Variants in KCNJ16 observed in about 807,000 individuals in gnomAD.
The protein encoded by KCNJ16 is potassium inwardly rectifying channel subfamily J member 16, also known as inward rectifier potassium channel 16.
A neutral mutation model predicts 18.5 loss-of-function variants in KCNJ16; 15 were observed. The observed-to-expected ratio is 0.81, with a 90% confidence interval of 0.54 to 1.25. KCNJ16 has a LOEUF of 1.25. KCNJ16 is among the 50% of genes most tolerant of loss of function. The pLI, the probability that KCNJ16 is intolerant of heterozygous loss-of-function variation, is 0.00. For synonymous variants in KCNJ16, 174 were observed against 186.5 expected, an observed-to-expected ratio of 0.93 and a Z score of 0.55; for missense variants, 523 against 525.7, an observed-to-expected ratio of 0.99 and a Z score of 0.05.
intron 2 of KCNJ16, among the ~76,000 whole-genome samples, chr17:70,118,258 G>A (rs531092043): frequency 6.6e-5 from 10 of 152,086 alleles, no homozygotes; most frequent in South Asian, 2.1e-4. Context: ...GGGGCCTGTC[G>A]GGGGTTCGGG....
intron 2 of KCNJ16, among the ~76,000 whole-genome samples, chr17:70,125,406 T>C (rs1035623548): frequency 1.3e-5 from 2 of 152,128 alleles, no homozygotes; most frequent in African/African-American, 2.4e-5. Context: ...TGAGCTTAGA[T>C]AGAAATATAT....
intron 3 of KCNJ16, 47 bp from the exon 4 acceptor site, chr17:70,131,948 G>A (rs1473784899): frequency 6.7e-7 from 1 of 1,499,914 alleles, no homozygotes; most frequent in East Asian, 2.5e-5. Flanking sequence ...CTATAAAGAT[G>A]GACATTGAAA....
intron 2 of KCNJ16, among the ~76,000 whole-genome samples, chr17:70,125,838 A>C (rs550235645): frequency 1.3e-5 from 2 of 152,184 alleles, no homozygotes; most frequent in South Asian, 4.1e-4. Flanking sequence ...AGGCTGAGGC[A>C]GGAGAATTGC....
At chr17:70,095,009 G>A (rs1654649444) in intron 1 of KCNJ16, among the ~76,000 whole-genome samples, 1 of 152,138 alleles carries the variant, frequency 6.6e-6, no homozygotes, top group African/African-American at 2.4e-5. Context: ...CTAACAGACA[G>A]ACTTCTAAGA....
At chr17:70,103,572 C>A (rs1474671939) in intron 2 of KCNJ16, among the ~76,000 whole-genome samples, 1 of 151,942 alleles carries the variant, frequency 6.6e-6, no homozygotes, top group Non-Finnish European at 1.5e-5. Context: ...TTATAGCCTC[C>A]TCATTTTCCC....
chr17:70,132,115 A>C lies in KCNJ16; in HGVS notation c.28A>C (p.Ile10Leu). The C allele has an allele frequency of 3.1e-6, 5 of 1,614,204 alleles. No individual in the cohort carries two copies. The South Asian group carries it at 5.5e-5, about 18-fold the overall frequency. The change falls in exon 4 of 4, where the codon ATT becomes CTT. Residue 10 changes from isoleucine to leucine, a missense_variant. Coordinates refer to ENST00000392671, the MANE Select transcript of KCNJ16 (RefSeq NM_170741.4). ...GAGCTATTACGGCAGCAGCTATCAT[A>C]TTATCAATGCGGACGCAAAATACCC... MSYYGSSYH[I>L]INADAKYPGY...
intron 1 of KCNJ16, among the ~76,000 whole-genome samples, chr17:70,089,085 C>T (rs548111927): frequency 9.9e-5 from 15 of 152,232 alleles, no homozygotes; most frequent in African/African-American, 3.6e-4. Context: ...TTTGGTCCTA[C>T]GTTGCTGTAT....
At chr17:70,084,546 A>G (rs1388599436) in intron 1 of KCNJ16, among the ~76,000 whole-genome samples, 1 of 152,190 alleles carries the variant, frequency 6.6e-6, no homozygotes, top group Non-Finnish European at 1.5e-5. Flanking sequence ...AAAGCAAAAC[A>G]CAAAGGAATC....
At chr17:70,076,190 A>G (rs1477611454) in intron 1 of KCNJ16, among the ~76,000 whole-genome samples, 1 of 152,178 alleles carries the variant, frequency 6.6e-6, no homozygotes, top group Non-Finnish European at 1.5e-5. Context: ...TGGTCTTTAG[A>G]AAAAGAGTAT....
intron 1 of KCNJ16, among the ~76,000 whole-genome samples, chr17:70,082,995 C>G (rs2071620551): frequency 6.6e-6 from 1 of 151,964 alleles, no homozygotes; most frequent in South Asian, 2.1e-4. Flanking sequence ...GTTCCCTCAA[C>G]AAACAGTTAA....
rs537197206 is a variant in KCNJ16, at chr17:70,094,181, A to G, written c.-299-6477A>G. 3.4e-4 allele frequency among the ~76,000 whole-genome samples: 52 copies of G among 152,344 alleles called. 1 individual carries two copies. In the South Asian group the frequency reaches 0.011, roughly 32 times the overall value. Reference sequence around the variant, plus strand: ...TTATATTTTCCAGAATTCACAGCCTAAAGAGAAATAACAATTGTGACATTT... The same window carrying G: ...TTATATTTTCCAGAATTCACAGCCTGAAGAGAAATAACAATTGTGACATTT... On this transcript the variant is annotated intron_variant, in intron 1 of 3. Coordinates refer to ENST00000392671, the MANE Select transcript of KCNJ16 (RefSeq NM_170741.4).
Position 70,133,316 on chromosome 17 carries a change from A to T in KCNJ16, c.1229A>T (p.Asn410Ile), listed in dbSNP as rs556177692. The change falls in exon 4 of 4, where the codon AAC becomes ATC. Residue 410 changes from asparagine (N) to isoleucine (I), a missense_variant. Coordinates refer to ENST00000392671, the MANE Select transcript of KCNJ16 (RefSeq NM_170741.4). ...TATCAGAAAGCTCTCCTGACTTTAA[A>T]CAGAATCTCTGTAGAATCCCAAATG... Reference protein sequence around the residue: ...TPYQKALLTLNRISVESQM With the variant: ...TPYQKALLTLIRISVESQM The T allele has an allele frequency of 2.5e-4, 411 of 1,613,718 alleles. 5 individuals are homozygous for T. In the South Asian group the frequency reaches 4.3e-3, roughly 17 times the overall value.
At chr17:70,107,688 TA>T (rs552330083) in intron 2 of KCNJ16, among the ~76,000 whole-genome samples, 6,319 of 146,234 alleles carry the variant, frequency 0.043, 440 homozygotes, top group African/African-American at 0.15. Context: ...ACAATTTTTT[TA>T]AAAAAAAAAT....
intron 1 of KCNJ16, among the ~76,000 whole-genome samples, chr17:70,088,434 T>C (rs1158758770): frequency 6.6e-6 from 1 of 152,170 alleles, no homozygotes; most frequent in South Asian, 2.1e-4. Context: ...CCGCCTGCTG[T>C]GCGGCCCGGT....
At chr17:70,120,345 G>A (rs920797852) in intron 2 of KCNJ16, among the ~76,000 whole-genome samples, 4 of 152,044 alleles carry the variant, frequency 2.6e-5, no homozygotes, top group Non-Finnish European at 5.9e-5. Context: ...TCCACCCTCT[G>A]TCTGTCATTC....
rs1281364830 is a variant in KCNJ16, at chr17:70,124,418, A to AT, written c.-190-6455dup. 2.0e-5 allele frequency among the ~76,000 whole-genome samples: 3 copies of AT among 152,280 alleles called. No individual in the cohort carries two copies. The East Asian group carries it at 5.8e-4, about 29-fold the overall frequency. ...TGGGTCTGTCACATAGTAGGAACTC[A>AT]TTTTTTAAAAAAAAACTGAATGAAA... On this transcript the variant is annotated intron_variant, in intron 2 of 3. Transcript: ENST00000392671.
intron 2 of KCNJ16, among the ~76,000 whole-genome samples, chr17:70,115,373 AC>A (rs2073362238): frequency 6.6e-6 from 1 of 152,090 alleles, no homozygotes; most frequent in African/African-American, 2.4e-5. Context: ...ATTTAGGCAA[AC>A]CTGCATCATG....
chr17:70,127,088 C>G (rs1170982928), intron 2 of KCNJ16, among the ~76,000 whole-genome samples: 5 of 152,080 alleles, frequency 3.3e-5, no homozygotes, highest in African/African-American at 1.2e-4. Context: ...TAAATTGATT[C>G]AGGAGGATAA....
In KCNJ16 at chr17:70,134,540, C is replaced by T. The variant is rs958207838; in HGVS notation, c.*1196C>T. On this transcript the variant is annotated 3_prime_UTR_variant, in exon 4 of 4. Coordinates refer to ENST00000392671, the MANE Select transcript of KCNJ16 (RefSeq NM_170741.4). ...CAATGAAATTTCTTAAGTTTTAGAA[C>T]ATGAGATAAAGTTGTATACTCTACT... The T allele has an allele frequency of 6.0e-6, 1 of 166,948 alleles. No homozygotes were observed. Among genetic ancestry groups the T allele is most frequent in the African/African-American group, 2.4e-5 (1 of 41,444 alleles). The allele number at this position is 166,948 out of a possible 1,614,324, so 10.3% of individuals were successfully genotyped here. A position where few individuals can be genotyped will look rare whatever the true frequency, so the allele number is the denominator to read the frequency against.
Sources: allele counts gnomAD v4.1 joint callset (sites outside exome capture counted in the v4.1 genomes callset), GRCh38; gene constraint gnomAD v4.1.1; transcripts MANE v1.5; gene names NCBI Gene and HGNC (gene_info 2026-07-23, HGNC 2026-07-21).